Variants in UNC5C observed in about 807,000 individuals in gnomAD.
UNC5C encodes unc-5 netrin receptor C.
In UNC5C, 47 loss-of-function variants were observed where a neutral mutation model predicts 99.8. That is an observed-to-expected ratio of 0.47 (90% CI 0.37 to 0.60). The LOEUF (loss-of-function observed/expected upper bound fraction) is 0.60. Ranked by LOEUF, UNC5C falls within the 20% of genes least tolerant of loss-of-function variation. The pLI, the probability that UNC5C is intolerant of heterozygous loss-of-function variation, is 0.00. For synonymous variants in UNC5C, 487 were observed against 452.2 expected (o/e 1.08, Z -0.98); for missense variants, 1,062 against 1,165.9 (o/e 0.91, Z 1.30).
chr4:95,199,152 A>G (rs941321770), intron 12 of UNC5C, among the ~76,000 whole-genome samples: 1 of 152,076 alleles, frequency 6.6e-6, no homozygotes, highest in Non-Finnish European at 1.5e-5. Flanking sequence ...GTGTGTTGCA[A>G]GAGGAAGTAT....
chr4:95,298,172 C>T (rs1196970010), intron 3 of UNC5C, among the ~76,000 whole-genome samples: 1 of 152,092 alleles, frequency 6.6e-6, no homozygotes, highest in African/African-American at 2.4e-5. Flanking sequence ...AGTAGCTGGT[C>T]ATGGCGGCAC....
At chr4:95,335,194 G>C (rs1185259069) in intron 2 of UNC5C, among the ~76,000 whole-genome samples, 2 of 151,892 alleles carry the variant, frequency 1.3e-5, no homozygotes, top group Non-Finnish European at 2.9e-5. Context: ...TTAATTTCAT[G>C]TAGTCCAACA....
intron 1 of UNC5C, among the ~76,000 whole-genome samples, chr4:95,486,075 T>C (rs1721320184): frequency 6.6e-6 from 1 of 151,832 alleles, no homozygotes; most frequent in African/African-American, 2.4e-5. Context: ...ATTTATATGA[T>C]TTAATCAGCT....
In UNC5C at chr4:95,201,842, G is replaced by T. The variant is rs567553922; in HGVS notation, c.2136+889C>A. 1.4e-4 allele frequency among the ~76,000 whole-genome samples: 21 copies of T among 152,204 alleles called. No individual in the cohort carries two copies. In the East Asian group the frequency reaches 1.7e-3, roughly 13 times the overall value. ...GATGGTCTTGATCTCCTGACCTCGT[G>T]ATCCACCCGCCTTAGCCTCCCAAAG... On this transcript the variant is annotated intron_variant, in intron 12 of 15. Transcript: ENST00000453304.
intron 4 of UNC5C, among the ~76,000 whole-genome samples, chr4:95,260,031 G>A (rs1351243238): frequency 6.6e-6 from 1 of 151,924 alleles, no homozygotes; most frequent in African/African-American, 2.4e-5. Context: ...TTTTCTTCCA[G>A]CCACCTCTGC....
At chr4:95,207,506 A>G (rs940757897) in intron 10 of UNC5C, among the ~76,000 whole-genome samples, 1 of 152,182 alleles carries the variant, frequency 6.6e-6, no homozygotes, top group African/African-American at 2.4e-5. Context: ...CAACAAGCAA[A>G]TGGATAAATT....
chr4:95,291,624 A>G (rs1280585669), intron 3 of UNC5C, among the ~76,000 whole-genome samples: 1 of 152,174 alleles, frequency 6.6e-6, no homozygotes, highest in Non-Finnish European at 1.5e-5. Context: ...GGAACTTCTG[A>G]CCATCTACAA....
At position 95,399,684 on chromosome 4, in the gene UNC5C, C is replaced by A. The variant is rs568813853; in HGVS notation, c.125-64053G>T. ...TTCTTCCTCTTGAATAACTTCTAGG[C>A]ATTCTTTAGGTAGTCAAATGACATT... On this transcript the variant is annotated intron_variant, in intron 1 of 15. Coordinates refer to ENST00000453304, the MANE Select transcript of UNC5C (RefSeq NM_003728.4). Among the ~76,000 whole-genome samples the A allele has an allele frequency of 1.9e-4, 29 of 152,310 alleles. No individual in the cohort carries two copies. In the South Asian group the frequency reaches 5.0e-3, roughly 26 times the overall value.
At chr4:95,281,505 C>G (rs774602695) in intron 3 of UNC5C, among the ~76,000 whole-genome samples, 11 of 152,084 alleles carry the variant, frequency 7.2e-5, no homozygotes, top group Non-Finnish European at 1.5e-4. Context: ...TAGTTAGGGA[C>G]TCATTTGAAT....
At chr4:95,371,474 A>C (rs753981009) in intron 1 of UNC5C, among the ~76,000 whole-genome samples, 115 of 151,894 alleles carry the variant, frequency 7.6e-4, no homozygotes, top group Non-Finnish European at 1.3e-3. Context: ...GAAAAGATGA[A>C]AACTGATAGG....
At chr4:95,348,216 C>A (rs1743849754) in intron 1 of UNC5C, among the ~76,000 whole-genome samples, 1 of 151,770 alleles carries the variant, frequency 6.6e-6, no homozygotes. Context: ...AATTTAATGA[C>A]CAGTAAAGCC....
chr4:95,487,922 G>A (rs980053823), intron 1 of UNC5C, among the ~76,000 whole-genome samples: 2 of 151,604 alleles, frequency 1.3e-5, no homozygotes, highest in East Asian at 1.9e-4. Flanking sequence ...TTTTAGGCTC[G>A]TCTTTTTAAT....
At chr4:95,224,359 T>G (rs145049152) in intron 7 of UNC5C, among the ~76,000 whole-genome samples, 1 of 152,176 alleles carries the variant, frequency 6.6e-6, no homozygotes, top group Non-Finnish European at 1.5e-5. Flanking sequence ...GGAAAGCCTA[T>G]CTCCAGCTAG....
chr4:95,230,499 A>C (rs1322602007), intron 7 of UNC5C, among the ~76,000 whole-genome samples: 22 of 149,614 alleles, frequency 1.5e-4, no homozygotes, highest in South Asian at 4.2e-4. Context: ...TTGATGTTTT[A>C]GTCATGAAGT....
chr4:95,505,143 G>C (rs1332537635), intron 1 of UNC5C, among the ~76,000 whole-genome samples: 1 of 152,020 alleles, frequency 6.6e-6, no homozygotes. Flanking sequence ...ATCAGAATTT[G>C]ATTCTAATTA....
intron 1 of UNC5C, among the ~76,000 whole-genome samples, chr4:95,440,818 C>A (rs370912509): frequency 1.3e-5 from 2 of 152,140 alleles, no homozygotes; most frequent in Non-Finnish European, 2.9e-5. Flanking sequence ...CTCTAACATG[C>A]TTTTCTTTAA....
chr4:95,301,340 C>T (rs905980120), intron 3 of UNC5C, among the ~76,000 whole-genome samples: 1 of 151,842 alleles, frequency 6.6e-6, no homozygotes, highest in African/African-American at 2.4e-5. Context: ...GGACTACAGG[C>T]GCCTGCCACC....
intron 1 of UNC5C, among the ~76,000 whole-genome samples, chr4:95,498,933 C>A (rs956773350): frequency 6.6e-6 from 1 of 152,044 alleles, no homozygotes; most frequent in Non-Finnish European, 1.5e-5. Flanking sequence ...CTTCTCCAAA[C>A]GTACTTGTGC....
Position 95,216,215 on chromosome 4 carries a change from A to C in UNC5C, c.1646-4T>G. On this transcript the variant is annotated splice_region_variant and splice_polypyrimidine_tract_variant and intron_variant, in intron 9 of 15. Coordinates refer to ENST00000453304, the MANE Select transcript of UNC5C (RefSeq NM_003728.4). ...GCGGGAATCAGCAAGCTGACTCCTG[A>C]ATAGCAAAAGAGAAAAGCAGTCATT... 1 of 1,610,912 alleles carries C rather than the reference A, an allele frequency of 6.2e-7. No homozygotes were observed. Among genetic ancestry groups the C allele is most frequent in the Non-Finnish European group, 8.5e-7 (1 of 1,178,914 alleles).
Sources: gnomAD v4.1 joint callset for allele counts (sites outside exome capture counted in the v4.1 genomes callset) on GRCh38, gnomAD v4.1.1 for gene constraint, MANE v1.5 for transcripts, NCBI Gene and HGNC (gene_info 2026-07-23, HGNC 2026-07-21) for gene names.